UBE2D4: variants seen among roughly 807,000 people sequenced by gnomAD.
UBE2D4 encodes the protein ubiquitin-conjugating enzyme E2 D4.
UBE2D4 carries 17 observed loss-of-function variants against 23.0 expected under a neutral mutation model. The ratio of observed to expected loss-of-function variants is 0.74; its 90% CI spans 0.51 to 1.11. The LOEUF (loss-of-function observed/expected upper bound fraction) is 1.11. Among genes scored for constraint, UBE2D4 ranks in the 50% least tolerant of loss-of-function variants. UBE2D4 has a pLI of 0.00. For synonymous variants in UBE2D4, 61 were observed against 69.4 expected (o/e 0.88, Z 0.60); for missense variants, 139 against 181.8 (o/e 0.76, Z 1.35).
At chr7:43,949,055 C>A (rs142406930) in intron 5 of UBE2D4, 23 of 422,542 alleles carry the variant, frequency 5.4e-5, no homozygotes, top group Admixed American at 2.0e-4. Context: ...ATTACATTAC[C>A]TTCTCTGTTC....
intron 4 of UBE2D4, among the ~76,000 whole-genome samples, chr7:43,947,469 A>G (rs1358907561): frequency 6.6e-6 from 1 of 152,166 alleles, no homozygotes; most frequent in Non-Finnish European, 1.5e-5. Flanking sequence ...GTTTGCTGAG[A>G]ATGATGGTTT....
intron 1 of UBE2D4, among the ~76,000 whole-genome samples, chr7:43,937,086 T>C (rs1378027548): frequency 1.3e-5 from 2 of 152,204 alleles, no homozygotes; most frequent in Non-Finnish European, 2.9e-5. Flanking sequence ...TCATCACACC[T>C]CTAAAGGGGG....
chr7:43,950,673 T>C lies in UBE2D4; in HGVS notation c.379T>C (p.Tyr127His), dbSNP rs767740511. ...DPLVPEIAHT[Y>H]KADREKYNRL... ...CCTGGTGCCAGAGATAGCACACACC[T>C]ACAAGGCCGACAGAGAGAAGTACGT... The change falls in exon 6 of 7, where the codon TAC becomes CAC. Residue 127 changes from tyrosine (Y) to histidine (H), a missense_variant. Physicochemically the swap from Tyr to His is moderately conservative, Grantham distance 83. Coordinates refer to ENST00000222402, the MANE Select transcript of UBE2D4 (RefSeq NM_015983.4). 30 of 1,614,010 alleles carry C rather than the reference T, an allele frequency of 1.9e-5. No homozygotes were observed. Among genetic ancestry groups the C allele is most frequent in the Non-Finnish European group, 8.5e-6 (10 of 1,179,988 alleles).
chr7:43,953,059 C>T lies in UBE2D4; in HGVS notation c.*364C>T, dbSNP rs1156621360. ...TGCTGCTGCCCATGATGGTACCACA[C>T]CAGGGCCTCAGCCTGGCCCCTCACC... On this transcript the variant is annotated 3_prime_UTR_variant, in exon 7 of 7. Coordinates refer to ENST00000222402, the MANE Select transcript of UBE2D4 (RefSeq NM_015983.4). 2.2e-6 allele frequency: 1 copy of T among 446,294 alleles called. No individual in the cohort carries two copies. Among genetic ancestry groups the T allele is most frequent in the African/African-American group, 2.0e-5 (1 of 50,120 alleles). The allele number at this position is 446,294 out of a possible 1,614,324, so 27.6% of individuals were successfully genotyped here. A position where few individuals can be genotyped will look rare whatever the true frequency, so the allele number is the denominator to read the frequency against.
At position 43,954,257 on chromosome 7, in the gene UBE2D4, CTTT is replaced by C. The variant is rs774290334; in HGVS notation, c.*1588_*1590del. 0.26 allele frequency: 18,041 copies of C among 69,816 alleles called. 2,243 individuals carry two copies. The highest frequency in any genetic ancestry group is 0.4 in the South Asian group (681 of 1,682). 4.3% of individuals were successfully genotyped at this position (69,816 alleles called of 1,614,324 possible). On this transcript the variant is annotated 3_prime_UTR_variant, in exon 7 of 7. Coordinates refer to ENST00000222402, the MANE Select transcript of UBE2D4 (RefSeq NM_015983.4). ...TGCATCTCACCATGTTGAGGATTGC[CTTT>C]TTTTTTTTTTTTTTTTTTTTTTTTT...
intron 2 of UBE2D4, chr7:43,941,873 TG>T (rs2095973508): frequency 6.6e-6 from 1 of 152,206 alleles, no homozygotes; most frequent in African/African-American, 2.4e-5. Flanking sequence ...GAGCCCAGCC[TG>T]GGCAACATGG....
intron 2 of UBE2D4, among the ~76,000 whole-genome samples, chr7:43,939,737 C>T (rs1388296161): frequency 6.6e-6 from 1 of 152,200 alleles, no homozygotes; most frequent in Non-Finnish European, 1.5e-5. Flanking sequence ...AACATGAAAA[C>T]ATCCCAAGTG....
chr7:43,942,596 G>T, intron 2 of UBE2D4: 1 of 620,334 alleles, frequency 1.6e-6, no homozygotes, highest in Non-Finnish European at 2.9e-6. Flanking sequence ...AACCTATGTT[G>T]TTTCCCTGTG....
chr7:43,952,326 T>G (rs2096004555), intron 6 of UBE2D4: 1 of 291,198 alleles, frequency 3.4e-6, no homozygotes, highest in South Asian at 4.2e-5. Context: ...GTGTCTCTTC[T>G]CTGTCCTCCC....
At position 43,929,057 on chromosome 7, in the gene UBE2D4, C is replaced by T. The variant is rs926212490; in HGVS notation, c.24+2501C>T. 3.3e-5 allele frequency among the ~76,000 whole-genome samples: 5 copies of T among 152,022 alleles called. No homozygotes were observed. The South Asian group carries it at 8.3e-4, about 25-fold the overall frequency. On this transcript the variant is annotated intron_variant, in intron 1 of 6. Coordinates refer to ENST00000222402, the MANE Select transcript of UBE2D4 (RefSeq NM_015983.4). Reference sequence around the variant, plus strand: ...CCTATATCCCAGCACTCTGGGAGGCCGAGGCAGGTGGATTGCTTGAGTCCA... The same window carrying T: ...CCTATATCCCAGCACTCTGGGAGGCTGAGGCAGGTGGATTGCTTGAGTCCA...
intron 1 of UBE2D4, among the ~76,000 whole-genome samples, 154 bp downstream of exon 1, chr7:43,926,710 A>G (rs1328086936): frequency 6.6e-6 from 1 of 152,106 alleles, no homozygotes; most frequent in Non-Finnish European, 1.5e-5. Flanking sequence ...GCGCAGCCTG[A>G]AAAGCGAACG....
rs1562612100 is a variant in UBE2D4 at position 43,955,361 on chromosome 7, A to G, written c.*2666A>G. 5.3e-5 allele frequency: 8 copies of G among 152,288 alleles called. 1 individual carries two copies. Among genetic ancestry groups the G allele is most frequent in the Middle Eastern group, 3.4e-3 (1 of 294 alleles). The allele number at this position is 152,288 out of a possible 1,614,324, so 9.4% of individuals were successfully genotyped here. A position where few individuals can be genotyped will look rare whatever the true frequency, so the allele number is the denominator to read the frequency against. On this transcript the variant is annotated 3_prime_UTR_variant, in exon 7 of 7. Transcript: ENST00000222402. The stretch of plus-strand genomic sequence containing the variant: ...CTTGAACAATTGATCCATGATGAAA[A>G]AATGACCATTAGCTCTCCCCCAGAA...
intron 6 of UBE2D4, 158 bp from the exon 7 acceptor site, chr7:43,952,492 G>C (rs1160518183): frequency 1.5e-6 from 1 of 686,438 alleles, no homozygotes; most frequent in African/African-American, 1.8e-5. Context: ...ATGTGCTCCT[G>C]CTCCAGGGAA....
At chr7:43,950,288 G>A (rs993612367) in intron 5 of UBE2D4, among the ~76,000 whole-genome samples, 11 of 152,188 alleles carry the variant, frequency 7.2e-5, no homozygotes, top group Admixed American at 7.2e-4. Context: ...GGTTCATGAT[G>A]TAGGGTACAG....
intron 4 of UBE2D4, chr7:43,947,137 T>TC (rs1491204930): frequency 1.3e-5 from 2 of 150,530 alleles, no homozygotes; most frequent in Non-Finnish European, 3.0e-5. Flanking sequence ...TGTTTGGTTT[T>TC]CTTTTTTTTT....
At chr7:43,952,443 T>C in intron 6 of UBE2D4, 1 of 544,600 alleles carries the variant, frequency 1.8e-6, no homozygotes, top group Non-Finnish European at 3.3e-6. Context: ...GGTTTACACA[T>C]GAGGGGTTCA....
intron 5 of UBE2D4, among the ~76,000 whole-genome samples, chr7:43,949,596 C>T (rs1391208420): frequency 1.3e-5 from 2 of 152,202 alleles, no homozygotes; most frequent in South Asian, 2.1e-4. Context: ...GTGGTCAGAA[C>T]TTTGATGGAC....
intron 1 of UBE2D4, among the ~76,000 whole-genome samples, chr7:43,933,624 G>A (rs2528376): frequency 0.7 from 106,604 of 151,884 alleles, 37,523 homozygotes; most frequent in African/African-American, 0.78. Context: ...CCTGTAATCA[G>A]TCCCAGCTAC....
intron 1 of UBE2D4, 36 bp from the exon 2 acceptor site, chr7:43,938,395 C>G: frequency 6.3e-7 from 1 of 1,597,286 alleles, no homozygotes; most frequent in Non-Finnish European, 8.6e-7. Context: ...GCATCCCCAG[C>G]ATACAGCAGC....
Sources: gnomAD v4.1 joint callset for allele counts (sites outside exome capture counted in the v4.1 genomes callset) on GRCh38, gnomAD v4.1.1 for gene constraint, MANE v1.5 for transcripts, NCBI Gene and HGNC (gene_info 2026-07-23, HGNC 2026-07-21) for gene names.